Variants in TRDN observed in about 807,000 individuals in gnomAD.
TRDN encodes the protein triadin, also known as triadin in skeletal muscle.
TRDN carries 161 observed loss-of-function variants against 149.7 expected under a neutral mutation model. The ratio of observed to expected loss-of-function variants is 1.08; its 90% CI spans 0.95 to 1.23. The LOEUF (loss-of-function observed/expected upper bound fraction) is 1.23, where lower values mean the gene tolerates loss of function less well. Among genes scored for constraint, TRDN ranks in the 50% most tolerant of loss-of-function variants. The probability of loss-of-function intolerance (pLI) is 0.00; values close to 1 mark genes in which losing one functional copy is unlikely to be tolerated. For missense variants in TRDN, 896 were observed against 823.5 expected, an observed-to-expected ratio of 1.09 and a Z score of -1.08; for synonymous variants, 294 against 250.5, an observed-to-expected ratio of 1.17 and a Z score of -1.64.
Position 123,330,309 on chromosome 6 carries a change from A to T in TRDN, c.1471+1570T>A, listed in dbSNP as rs541740046. On this transcript the variant is annotated intron_variant, in intron 23 of 40. Coordinates refer to ENST00000334268, the MANE Select transcript of TRDN (RefSeq NM_006073.4). ...TATATCCAAGTCAACCAACAGTAAG[A>T]TCATGTTAAAGAAACCTAGAATTTA... Among the ~76,000 whole-genome samples the T allele has an allele frequency of 1.1e-4, 17 of 152,200 alleles. No homozygotes were observed. The South Asian group carries it at 3.5e-3, about 32-fold the overall frequency.
At chr6:123,322,007 A>G (rs751629229) in intron 23 of TRDN, among the ~76,000 whole-genome samples, 2 of 152,142 alleles carry the variant, frequency 1.3e-5, no homozygotes, top group Non-Finnish European at 2.9e-5. Context: ...ATAGCTTTTC[A>G]TCTTATCTGG....
intron 38 of TRDN, among the ~76,000 whole-genome samples, chr6:123,225,235 GC>G (rs1165772185): frequency 2.0e-5 from 3 of 151,658 alleles, no homozygotes; most frequent in Non-Finnish European, 4.4e-5. Flanking sequence ...AATGAGATGT[GC>G]TGGTGAGGAT....
At chr6:123,522,218 C>T (rs1779716390) in intron 5 of TRDN, among the ~76,000 whole-genome samples, 1 of 152,100 alleles carries the variant, frequency 6.6e-6, no homozygotes, top group East Asian at 1.9e-4. Context: ...TGTTCTGCCG[C>T]CTACCGGGCC....
At chr6:123,533,497 G>C (rs1197004611) in intron 4 of TRDN, among the ~76,000 whole-genome samples, 2 of 152,054 alleles carry the variant, frequency 1.3e-5, no homozygotes, top group African/African-American at 2.4e-5. Flanking sequence ...GGACTAGAAA[G>C]ACGGTCCTTG....
At chr6:123,465,582 CAAAAAAAAAAAAAAA>C (rs1223948612) in intron 9 of TRDN, among the ~76,000 whole-genome samples, 6 of 65,568 alleles carry the variant, frequency 9.2e-5, no homozygotes, top group East Asian at 4.6e-4. Flanking sequence ...TTATGAACTG[CAAAAAAAAAAAAAAA>C]AAAAAAAGAG....
intron 4 of TRDN, among the ~76,000 whole-genome samples, chr6:123,540,320 CT>C (rs1297978632): frequency 1.3e-5 from 2 of 152,092 alleles, no homozygotes; most frequent in African/African-American, 4.8e-5. Context: ...TTGGCCTCAA[CT>C]TTCTGGTCCC....
intron 23 of TRDN, among the ~76,000 whole-genome samples, chr6:123,331,144 T>C (rs1044766582): frequency 9.2e-5 from 14 of 152,116 alleles, no homozygotes; most frequent in Non-Finnish European, 1.8e-4. Context: ...CACAATGCCA[T>C]GTCCACAGAA....
intron 9 of TRDN, chr6:123,488,586 G>C (rs1778072970): frequency 6.6e-6 from 1 of 151,964 alleles, no homozygotes; most frequent in African/African-American, 2.4e-5. Flanking sequence ...AGCTCTAAAA[G>C]TATCTTAATT....
intron 24 of TRDN, among the ~76,000 whole-genome samples, chr6:123,316,164 G>A (rs1461179394): frequency 6.6e-6 from 1 of 151,826 alleles, no homozygotes; most frequent in Non-Finnish European, 1.5e-5. Context: ...CATAAACAGT[G>A]TTCAATTGCC....
chr6:123,501,979 A>C (rs780917918), intron 8 of TRDN: 1 of 985,200 alleles, frequency 1.0e-6, no homozygotes, highest in Non-Finnish European at 1.2e-6. Context: ...AAGATATGAA[A>C]AATTAACATC....
intron 2 of TRDN, among the ~76,000 whole-genome samples, chr6:123,559,768 C>T (rs6903079): frequency 0.5 from 75,266 of 151,474 alleles, 19,380 homozygotes; most frequent in East Asian, 0.91. Context: ...TCAGGATCTG[C>T]GCCTTATCAA....
chr6:123,591,400 C>G (rs190760036), intron 1 of TRDN, among the ~76,000 whole-genome samples: 2 of 152,230 alleles, frequency 1.3e-5, no homozygotes, highest in East Asian at 3.9e-4. Flanking sequence ...CATGCCCCAC[C>G]ACGCCCAGCT....
chr6:123,252,613 T>C (rs1451102582), intron 37 of TRDN, among the ~76,000 whole-genome samples, 178 bp from the exon 38 acceptor site: 2 of 152,128 alleles, frequency 1.3e-5, no homozygotes, highest in African/African-American at 4.8e-5. Context: ...GTTATAATTT[T>C]TAATTTTTTA....
At chr6:123,406,888 C>T (rs1773213500) in intron 12 of TRDN, among the ~76,000 whole-genome samples, 1 of 152,252 alleles carries the variant, frequency 6.6e-6, no homozygotes, top group East Asian at 1.9e-4. Context: ...TCTCCCCTTG[C>T]TCCAAGCCTG....
At chr6:123,547,729 C>CT (rs1781186602) in intron 3 of TRDN, among the ~76,000 whole-genome samples, 2 of 151,916 alleles carry the variant, frequency 1.3e-5, no homozygotes, top group Admixed American at 1.3e-4. Flanking sequence ...ATAATAAAAG[C>CT]TTTCCTGGTA....
In TRDN at chr6:123,216,831, A is replaced by T. The variant is rs1367611978; in HGVS notation, c.*1770T>A. 1 of 151,974 alleles carries T rather than the reference A, an allele frequency of 6.6e-6. No individual in the cohort carries two copies. The highest frequency in any genetic ancestry group is 1.5e-5 in the Non-Finnish European group (1 of 67,926). The allele number at this position is 151,974 out of a possible 1,614,324, so 9.4% of individuals were successfully genotyped here. On this transcript the variant is annotated 3_prime_UTR_variant, in exon 41 of 41. Coordinates refer to ENST00000334268, the MANE Select transcript of TRDN (RefSeq NM_006073.4). ...AATACAGCACCTAACACAGCGCCCT[A>T]AAAGAGTAGGTATTCAATAAACAGT...
chr6:123,504,925 G>A (rs1778850018), intron 7 of TRDN, among the ~76,000 whole-genome samples: 2 of 152,106 alleles, frequency 1.3e-5, no homozygotes, highest in Non-Finnish European at 1.5e-5. Flanking sequence ...AATGCACTGT[G>A]TAGCCTTTAT....
intron 10 of TRDN, chr6:123,464,182 T>A: frequency 1.2e-6 from 1 of 842,718 alleles, no homozygotes; most frequent in South Asian, 5.4e-5. Flanking sequence ...TTGGACAATA[T>A]CTGAAATGAT....
intron 38 of TRDN, among the ~76,000 whole-genome samples, chr6:123,233,443 C>T (rs981729927): frequency 1.1e-4 from 16 of 152,074 alleles, no homozygotes; most frequent in Admixed American, 7.2e-4. Flanking sequence ...CAGGAGTGTT[C>T]AATGAATGTA....
Sources: gnomAD v4.1 joint callset for allele counts (sites outside exome capture counted in the v4.1 genomes callset) on GRCh38, gnomAD v4.1.1 for gene constraint, MANE v1.5 for transcripts, NCBI Gene and HGNC (gene_info 2026-07-23, HGNC 2026-07-21) for gene names.